The following CNOT4 variants were observed in gnomAD, a reference collection of about 807,000 sequenced individuals.
The protein encoded by CNOT4 is CCR4-associated factor 4.
CNOT4 carries 8 observed loss-of-function variants against 73.8 expected under a neutral mutation model. That is an observed-to-expected ratio of 0.11 (90% CI 0.06 to 0.20). The LOEUF is 0.20. Among genes scored for constraint, CNOT4 ranks in the 10% least tolerant of loss-of-function variants. The probability of loss-of-function intolerance (pLI) is 1.00; values close to 1 mark genes in which losing one functional copy is unlikely to be tolerated. For synonymous variants in CNOT4, 293 were observed against 321.1 expected, an observed-to-expected ratio of 0.91 and a Z score of 0.94; for missense variants, 564 against 883.4, an observed-to-expected ratio of 0.64 and a Z score of 4.58.
chr7:135,461,260 A>G (rs1359625927), intron 1 of CNOT4, among the ~76,000 whole-genome samples: 1 of 152,222 alleles, frequency 6.6e-6, no homozygotes, highest in East Asian at 1.9e-4. Context: ...ACTAATCAAA[A>G]TTTATAATTT....
chr7:135,453,812 TAA>T (rs1054191023), intron 1 of CNOT4, among the ~76,000 whole-genome samples: 11 of 116,068 alleles, frequency 9.5e-5, no homozygotes, highest in African/African-American at 3.8e-4. Flanking sequence ...ATATATATAA[TAA>T]ATATATATAT....
chr7:135,438,339 T>C lies in CNOT4; in HGVS notation c.-8A>G. The stretch of plus-strand genomic sequence containing the variant: ...ATCAGGACTGCGAGACATCTTCACG[T>C]TTATTAAACAGCAGCAAAAGTTTAT... On this transcript the variant is annotated 5_prime_UTR_variant, in exon 2 of 12. Transcript: ENST00000541284. 1 of 1,581,444 alleles carries C rather than the reference T, an allele frequency of 6.3e-7. No individual in the cohort carries two copies. Among genetic ancestry groups the C allele is most frequent in the Non-Finnish European group, 8.6e-7 (1 of 1,164,136 alleles).
intron 1 of CNOT4, among the ~76,000 whole-genome samples, chr7:135,465,232 C>T (rs762857894): frequency 1.3e-5 from 2 of 152,018 alleles, no homozygotes; most frequent in Non-Finnish European, 2.9e-5. Context: ...AAGCACACAC[C>T]CATTTTAATG....
intron 1 of CNOT4, among the ~76,000 whole-genome samples, chr7:135,458,179 C>G (rs564471797): frequency 1.3e-5 from 2 of 152,094 alleles, no homozygotes; most frequent in East Asian, 1.9e-4. Flanking sequence ...GCAAGTCACA[C>G]AAATTTTTTG....
chr7:135,423,233 G>A (rs1286967553), intron 2 of CNOT4, among the ~76,000 whole-genome samples: 3 of 151,556 alleles, frequency 2.0e-5, no homozygotes, highest in Non-Finnish European at 4.4e-5. Flanking sequence ...ACCAACATAG[G>A]GGCACATTAA....
At chr7:135,416,527 C>T (rs1015710747) in intron 3 of CNOT4, among the ~76,000 whole-genome samples, 6 of 152,076 alleles carry the variant, frequency 3.9e-5, no homozygotes, top group Non-Finnish European at 7.4e-5. Flanking sequence ...TTAAGTCATC[C>T]GTAGCAAAGT....
chr7:135,463,720 A>G (rs1801033417), intron 1 of CNOT4, among the ~76,000 whole-genome samples: 1 of 152,176 alleles, frequency 6.6e-6, no homozygotes. Flanking sequence ...GCACAGCAAA[A>G]GAAACTATCA....
intron 10 of CNOT4, among the ~76,000 whole-genome samples, chr7:135,381,727 G>A (rs2129482921): frequency 6.6e-6 from 1 of 152,180 alleles, no homozygotes; most frequent in Non-Finnish European, 1.5e-5. Context: ...ATTAAAGAAT[G>A]GTACTGGGTC....
intron 1 of CNOT4, among the ~76,000 whole-genome samples, chr7:135,442,445 A>G (rs543650853): frequency 5.3e-5 from 8 of 152,146 alleles, no homozygotes; most frequent in African/African-American, 1.9e-4. Context: ...AAAAATACAA[A>G]AAAATTAGCC....
Position 135,363,494 on chromosome 7 carries a change from G to A in CNOT4, c.1841-308C>T, listed in dbSNP as rs3750069. ...GTGCTTTTCCTCCTCTGACAGGGAT[G>A]CGTAACAAGACAGCCTTATAATAGA... On this transcript the variant is annotated intron_variant, in intron 11 of 11. Transcript: ENST00000541284. This position sits in a 1 kb window ranked among gnomAD's most constrained non-coding sequence, Gnocchi z 4.3. Among the ~76,000 whole-genome samples, 36,255 of 152,102 alleles carry A rather than the reference G, an allele frequency of 0.24. 4,652 individuals are homozygous for A. The highest frequency in any genetic ancestry group is 0.52 in the East Asian group (2,687 of 5,172).
At chr7:135,486,929 G>C (rs1274996288) in intron 1 of CNOT4, among the ~76,000 whole-genome samples, 4 of 151,882 alleles carry the variant, frequency 2.6e-5, no homozygotes, top group African/African-American at 9.7e-5. Flanking sequence ...AAATAAAAAA[G>C]GTAAAGAGTA....
At chr7:135,403,116 CAT>C (rs1797090475) in intron 7 of CNOT4, among the ~76,000 whole-genome samples, 2 of 152,148 alleles carry the variant, frequency 1.3e-5, no homozygotes, top group African/African-American at 2.4e-5. Context: ...ACATTTTAAA[CAT>C]AAAATTTACA....
chr7:135,448,061 C>T (rs184454034), intron 1 of CNOT4, among the ~76,000 whole-genome samples: 6 of 152,208 alleles, frequency 3.9e-5, no homozygotes, highest in Admixed American at 1.3e-4. Flanking sequence ...GGAGCAACAC[C>T]AGAGGCTTAA....
intron 10 of CNOT4, chr7:135,386,935 G>T: frequency 3.7e-6 from 1 of 268,582 alleles, no homozygotes; most frequent in African/African-American, 2.3e-5. Flanking sequence ...CACTTGCTAT[G>T]GCTTTGTAAG....
intron 2 of CNOT4, among the ~76,000 whole-genome samples, chr7:135,431,007 T>C (rs1798796321): frequency 6.6e-6 from 1 of 152,202 alleles, no homozygotes; most frequent in South Asian, 2.1e-4. Context: ...CTCATGCCTA[T>C]AATCCCAGCA....
intron 1 of CNOT4, among the ~76,000 whole-genome samples, chr7:135,445,252 C>T (rs1468897872): frequency 6.6e-6 from 1 of 152,116 alleles, no homozygotes; most frequent in Non-Finnish European, 1.5e-5. Context: ...TAAAGAGAAT[C>T]CAGCTTTATT....
Position 135,423,941 on chromosome 7 carries a change from C to T in CNOT4, c.175-1588G>A, listed in dbSNP as rs138051508. ...TAAATTTAGTATGATTTCAGAAGCT[C>T]AATAAATATTTGCCAAGCAAACATC... is the stretch of plus-strand genomic sequence containing the variant. On this transcript the variant is annotated intron_variant, in intron 2 of 11. Coordinates refer to ENST00000541284, the MANE Select transcript of CNOT4 (RefSeq NM_001190850.2). Among the ~76,000 whole-genome samples the T allele has an allele frequency of 2.5e-3, 373 of 151,852 alleles. 3 individuals are homozygous for T. Among genetic ancestry groups the T allele is most frequent in the Non-Finnish European group, 4.5e-3 (309 of 67,964 alleles).
At position 135,443,790 on chromosome 7, in the gene CNOT4, CACTTATA is replaced by C. The variant is rs536350428; in HGVS notation, c.-92-5374_-92-5368del. ...AAAATTATGTTTGAAAGTGTCTTAT[CACTTATA>C]AAGTGTTGCTGTATACATGGTTTTG... On this transcript the variant is annotated intron_variant, in intron 1 of 11. Transcript: ENST00000541284. Among the ~76,000 whole-genome samples the C allele has an allele frequency of 2.0e-3, 308 of 152,224 alleles. 1 individual carries two copies. Among genetic ancestry groups the C allele is most frequent in the Admixed American group, 0.01 (159 of 15,288 alleles).
Position 135,394,239 on chromosome 7 carries a change from G to C in CNOT4, c.1306C>G (p.Leu436Val), listed in dbSNP as rs368949226. The C allele has an allele frequency of 1.2e-5, 20 of 1,614,070 alleles. No individual in the cohort carries two copies. The African/African-American group carries it at 2.7e-4, about 22-fold the overall frequency. Residue 436 changes from leucine to valine, a missense_variant, in exon 10 of 12, where the codon CTT (leucine) becomes GTT (valine). By Grantham distance (32) the Leu-to-Val change is conservative. This residue lies in a region of CNOT4 where 153 missense variants were observed against 158.7 expected (regional missense o/e 0.96). Transcript: ENST00000541284. ...QDQPSLSPTS[L>V]QNSSSHTTTA... The stretch of plus-strand genomic sequence containing the variant: ...GTAGTGTGTGAAGAGGAGTTCTGAA[G>C]AGATGTGGGCGAAAGGGAAGGTTGG...
Sources: gnomAD v4.1 joint callset for allele counts (sites outside exome capture counted in the v4.1 genomes callset) on GRCh38, gnomAD v4.1.1 for gene constraint, gnomAD v4.1.1 regional missense constraint, Gnocchi (gnomAD v3.1) non-coding constraint, MANE v1.5 for transcripts, NCBI Gene and HGNC (gene_info 2026-07-23, HGNC 2026-07-21) for gene names.